The following NCKAP1L variants were observed in gnomAD, a reference collection of about 807,000 sequenced individuals.
The protein encoded by NCKAP1L is nck-associated protein 1-like.
A neutral mutation model predicts 139.2 loss-of-function variants in NCKAP1L; 53 were observed. The ratio of observed to expected loss-of-function variants is 0.38; its 90% confidence interval spans 0.31 to 0.48. The LOEUF (loss-of-function observed/expected upper bound fraction) is 0.48. Ranked by LOEUF, NCKAP1L falls within the 20% of genes least tolerant of loss-of-function variation. The pLI is 0.98. For synonymous variants in NCKAP1L, 468 were observed against 499.7 expected (o/e 0.94, Z 0.85); for missense variants, 1,151 against 1,381.9 (o/e 0.83, Z 2.65).
At chr12:54,499,510 T>G (rs1380734608) in intron 2 of NCKAP1L, 45 bp downstream of exon 2, 1 of 1,142,112 alleles carries the variant, frequency 8.8e-7, no homozygotes, top group South Asian at 1.2e-5. Context: ...AATTCTCTGC[T>G]TGAATGGCTG....
rs373146856 is a variant in NCKAP1L at position 54,536,175 on chromosome 12, G to A, written c.3003G>A (p.Leu1001=). Residue 1001 remains leucine (L), a synonymous_variant, in exon 28 of 31, where the codon TTG becomes TTA. Coordinates refer to ENST00000293373, the MANE Select transcript of NCKAP1L (RefSeq NM_005337.5). ...AATATAAGGTGGCCTGCCTGCTCTTGATCTTTCTGGCAGTTTCCCTCCCAC... is the reference window on the plus strand; with the variant it reads ...AATATAAGGTGGCCTGCCTGCTCTTAATCTTTCTGGCAGTTTCCCTCCCAC... ...EEEYKVACLL[L]IFLAVSLPLL... The A allele has an allele frequency of 1.9e-6, 3 of 1,613,372 alleles. No individual in the cohort carries two copies. The highest frequency in any genetic ancestry group is 2.5e-6 in the Non-Finnish European group (3 of 1,179,710).
intron 2 of NCKAP1L, among the ~76,000 whole-genome samples, chr12:54,499,991 G>A (rs913874919): frequency 6.6e-6 from 1 of 152,088 alleles, no homozygotes; most frequent in African/African-American, 2.4e-5. Flanking sequence ...TTAGCCCTCT[G>A]TATCTAGTCA....
rs1338494983 is a variant in NCKAP1L, at chr12:54,536,985, C to G, written c.3115C>G (p.Gln1039Glu). The part of the protein sequence containing the change: ...NIHCLTKAII[Q>E]VSAALFTLYN... The stretch of plus-strand genomic sequence containing the variant: ...TCATTGCTTGACCAAAGCCATCATC[C>G]AGGTGTCTGCTGCCCTCTTCACGCT... The change falls in exon 29 of 31, where the codon CAG becomes GAG. Residue 1039 changes from glutamine (Q) to glutamate (E), a missense_variant. Physicochemically the swap from Gln to Glu is conservative, Grantham distance 29 (BLOSUM62 2). Coordinates refer to ENST00000293373, the MANE Select transcript of NCKAP1L (RefSeq NM_005337.5). The G allele has an allele frequency of 6.2e-7, 1 of 1,613,622 alleles. No homozygotes were observed. The highest frequency in any genetic ancestry group is 8.5e-7 in the Non-Finnish European group (1 of 1,179,780).
chr12:54,519,429 A>ATTTT (rs10686138), intron 16 of NCKAP1L, 97 bp downstream of exon 16: 5,720 of 498,748 alleles, frequency 0.011, 59 homozygotes, highest in African/African-American at 0.051. Context: ...ATTTTGTTTA[A>ATTTT]TTTTTTTTTT....
chr12:54,522,455 G>C (rs1956991642), intron 18 of NCKAP1L, among the ~76,000 whole-genome samples: 1 of 152,182 alleles, frequency 6.6e-6, no homozygotes, highest in African/African-American at 2.4e-5. Flanking sequence ...ATGAGTATAG[G>C]CTTTCTAAAG....
At chr12:54,501,595 C>T (rs1169321858) in intron 3 of NCKAP1L, among the ~76,000 whole-genome samples, 2 of 151,922 alleles carry the variant, frequency 1.3e-5, no homozygotes, top group Non-Finnish European at 2.9e-5. Flanking sequence ...GCCTCGACCT[C>T]CTAGGCTCAG....
At chr12:54,522,696 T>C (rs1956993717) in intron 18 of NCKAP1L, among the ~76,000 whole-genome samples, 1 of 152,230 alleles carries the variant, frequency 6.6e-6, no homozygotes, top group Admixed American at 6.5e-5. Context: ...GTGGGTCTTA[T>C]GCTGCTCTCA....
At chr12:54,537,614 G>A (rs188764060) in intron 29 of NCKAP1L, among the ~76,000 whole-genome samples, 24 of 152,218 alleles carry the variant, frequency 1.6e-4, no homozygotes, top group Admixed American at 1.6e-3. Context: ...CATCTCTAAG[G>A]CCCTTTCTAA....
chr12:54,532,227 G>A lies in NCKAP1L; in HGVS notation c.2839G>A (p.Val947Ile), dbSNP rs145087861. Residue 947 changes from valine to isoleucine, a missense_variant, in exon 26 of 31, where the codon GTC (valine) becomes ATC (isoleucine). Coordinates refer to ENST00000293373, the MANE Select transcript of NCKAP1L (RefSeq NM_005337.5). The stretch of plus-strand genomic sequence containing the variant: ...TCCCATTGAGTGCTTGAAGGAGTTT[G>A]TCACTCCAGACACAGACATCAAGGT... ...MGPIECLKEFVTPDTDIKVTL... is the reference protein window; with the variant it reads ...MGPIECLKEFITPDTDIKVTL... The A allele has an allele frequency of 1.2e-6, 2 of 1,613,196 alleles. No individual in the cohort carries two copies. The highest frequency in any genetic ancestry group is 1.7e-5 in the Admixed American group (1 of 59,908).
At chr12:54,511,458 G>A (rs757258510) in intron 7 of NCKAP1L, among the ~76,000 whole-genome samples, 2 of 152,212 alleles carry the variant, frequency 1.3e-5, no homozygotes, top group Non-Finnish European at 2.9e-5. Flanking sequence ...CTAGGCTGGA[G>A]TGCAGTGGTA....
intron 18 of NCKAP1L, among the ~76,000 whole-genome samples, chr12:54,521,696 T>G (rs1488913313): frequency 6.6e-6 from 1 of 152,156 alleles, no homozygotes; most frequent in East Asian, 1.9e-4. Context: ...CTTTCTTGCC[T>G]TTTTCTTCTT....
chr12:54,510,145 A>G (rs190451670), intron 7 of NCKAP1L, among the ~76,000 whole-genome samples, 160 bp downstream of exon 7: 5 of 152,254 alleles, frequency 3.3e-5, no homozygotes, highest in Admixed American at 6.5e-5. Context: ...CTAAAAAATC[A>G]TGGTTGGTTT....
At chr12:54,523,284 G>A (rs1452001211) in intron 18 of NCKAP1L, 110 bp from the exon 19 acceptor site, 3 of 1,262,660 alleles carry the variant, frequency 2.4e-6, no homozygotes, top group Non-Finnish European at 3.3e-6. Context: ...AGAGAGGAAG[G>A]CAGAAAGATA....
intron 26 of NCKAP1L, 105 bp from the exon 27 acceptor site, chr12:54,534,997 TAA>T: frequency 1.5e-6 from 1 of 687,090 alleles, no homozygotes; most frequent in Non-Finnish European, 2.3e-6. Flanking sequence ...AAAGCATCTT[TAA>T]AAAAAAAATT....
In NCKAP1L at chr12:54,531,550, G is replaced by A. The variant is rs201979196; in HGVS notation, c.2664G>A (p.Pro888=). ...AGATCAGATCCAACTTTAGCAAGCCGGACTTGATGGCTTCCCTGCTGCCCC... is the reference window on the plus strand; with the variant it reads ...AGATCAGATCCAACTTTAGCAAGCCAGACTTGATGGCTTCCCTGCTGCCCC... ...LVQIRSNFSK[P]DLMASLLPQL... is the part of the protein sequence containing the mutation. The change falls in exon 24 of 31, where the codon CCG becomes CCA. Residue 888 remains proline (P), a synonymous_variant. Coordinates refer to ENST00000293373, the MANE Select transcript of NCKAP1L (RefSeq NM_005337.5). 6.2e-6 allele frequency: 10 copies of A among 1,614,034 alleles called. No individual in the cohort carries two copies. In the East Asian group the frequency reaches 8.9e-5, roughly 14 times the overall value.
At chr12:54,523,658 G>T in intron 19 of NCKAP1L, 119 bp downstream of exon 19, 1 of 1,449,692 alleles carries the variant, frequency 6.9e-7, no homozygotes, top group Non-Finnish European at 9.3e-7. Context: ...TGAGGGGCAT[G>T]GAAAAGCACT....
chr12:54,522,156 G>T (rs1956988917), intron 18 of NCKAP1L, among the ~76,000 whole-genome samples: 1 of 152,194 alleles, frequency 6.6e-6, no homozygotes, highest in Non-Finnish European at 1.5e-5. Context: ...TCCTGCCCTT[G>T]GGGAATGTCC....
intron 3 of NCKAP1L, among the ~76,000 whole-genome samples, chr12:54,503,016 A>C (rs905244211): frequency 6.6e-6 from 1 of 151,162 alleles, no homozygotes; most frequent in Non-Finnish European, 1.5e-5. Flanking sequence ...AAAAAAAAAA[A>C]AAAGAAACAA....
intron 9 of NCKAP1L, among the ~76,000 whole-genome samples, chr12:54,514,694 T>G (rs1956917208): frequency 6.6e-6 from 1 of 152,198 alleles, no homozygotes; most frequent in Non-Finnish European, 1.5e-5. Context: ...TATGTACATT[T>G]CAAATTTTAA....
Sources: gnomAD v4.1 joint callset for allele counts (sites outside exome capture counted in the v4.1 genomes callset) on GRCh38, gnomAD v4.1.1 for gene constraint, MANE v1.5 for transcripts, NCBI Gene and HGNC (gene_info 2026-07-23, HGNC 2026-07-21) for gene names.